Variants in RBFOX2 observed in about 807,000 individuals in gnomAD.
RBFOX2 encodes the protein RNA binding protein fox-1 homolog 2.
Under a neutral mutation model 49.1 loss-of-function variants are expected in RBFOX2, and 10 were observed. The observed-to-expected ratio is 0.20, with a 90% CI of 0.13 to 0.35. The LOEUF is 0.35. Ranked by LOEUF, RBFOX2 falls within the 10% of genes least tolerant of loss-of-function variation. The pLI, the probability that RBFOX2 is intolerant of heterozygous loss-of-function variation, is 1.00. For synonymous variants in RBFOX2, 183 were observed against 187.4 expected (o/e 0.98, Z 0.19); for missense variants, 323 against 486.9 (o/e 0.66, Z 3.17).
At chr22:35,882,627 A>G (rs1299190815) in intron 1 of RBFOX2, among the ~76,000 whole-genome samples, 1 of 152,218 alleles carries the variant, frequency 6.6e-6, no homozygotes, top group Admixed American at 6.5e-5. Flanking sequence ...TGCTGGATCC[A>G]TGTCCTAAAC....
intron 1 of RBFOX2, among the ~76,000 whole-genome samples, chr22:35,958,709 A>C (rs2149919632): frequency 6.6e-6 from 1 of 152,326 alleles, no homozygotes; most frequent in East Asian, 1.9e-4. Flanking sequence ...AATCTAAAAG[A>C]CTTCAAACAA....
chr22:35,934,874 C>T (rs1292783319), intron 1 of RBFOX2, among the ~76,000 whole-genome samples: 1 of 152,190 alleles, frequency 6.6e-6, no homozygotes, highest in Non-Finnish European at 1.5e-5. Flanking sequence ...AAATCACAAA[C>T]AGTCAACTAG....
chr22:35,965,102 G>A (rs1052079228), upstream of RBFOX2, among the ~76,000 whole-genome samples: 12 of 152,194 alleles, frequency 7.9e-5, 1 homozygote, highest in Non-Finnish European at 1.3e-4. Context: ...TAGGTATGGT[G>A]ACAGCACACA....
chr22:35,878,048 A>ACACG (rs2045387195), intron 1 of RBFOX2, among the ~76,000 whole-genome samples: 1 of 121,646 alleles, frequency 8.2e-6, no homozygotes, highest in East Asian at 2.0e-4. Flanking sequence ...CTACACACAC[A>ACACG]CACACACACA....
At chr22:35,829,495 G>A (rs1257924819) in intron 1 of RBFOX2, among the ~76,000 whole-genome samples, 1 of 151,788 alleles carries the variant, frequency 6.6e-6, no homozygotes, top group African/African-American at 2.4e-5. Context: ...TTGGATTAAT[G>A]GCAGACTAGA....
At chr22:35,974,181 A>G (rs2057026863) in intron 1 of RBFOX2, among the ~76,000 whole-genome samples, 1 of 152,230 alleles carries the variant, frequency 6.6e-6, no homozygotes. Context: ...CAGTAGAAGG[A>G]GCCAATCAAA....
chr22:35,761,605 G>A, intron 6 of RBFOX2, 137 bp from the exon 8 acceptor site: 2 of 837,760 alleles, frequency 2.4e-6, no homozygotes, highest in Non-Finnish European at 4.0e-6. Flanking sequence ...TCCAGCTTGG[G>A]GTTTATATGA....
intron 1 of RBFOX2, among the ~76,000 whole-genome samples, chr22:35,821,469 A>G (rs112244217): frequency 0.044 from 6,666 of 151,772 alleles, 505 homozygotes; most frequent in African/African-American, 0.15. Context: ...AGTGGAGGAC[A>G]CCTGCAATCC....
chr22:35,823,111 G>A (rs1439048128), intron 1 of RBFOX2, among the ~76,000 whole-genome samples: 3 of 152,164 alleles, frequency 2.0e-5, no homozygotes, highest in African/African-American at 7.2e-5. Context: ...ATGAGCCACC[G>A]CATCCGGCCT....
chr22:35,819,029 A>G (rs1293868361), intron 1 of RBFOX2, among the ~76,000 whole-genome samples: 2 of 152,216 alleles, frequency 1.3e-5, no homozygotes, highest in African/African-American at 2.4e-5. Flanking sequence ...CCATGGTTAC[A>G]TGGTGGCTTA....
chr22:35,751,323 G>A (rs535508168), intron 9 of RBFOX2, among the ~76,000 whole-genome samples: 1 of 152,244 alleles, frequency 6.6e-6, no homozygotes, highest in African/African-American at 2.4e-5. Flanking sequence ...CACTGAGGAG[G>A]AGAGTGTGTA....
At chr22:36,014,414 G>C (rs899499809) in intron 1 of RBFOX2, among the ~76,000 whole-genome samples, 1 of 152,114 alleles carries the variant, frequency 6.6e-6, no homozygotes, top group Non-Finnish European at 1.5e-5. Context: ...CCGGCCACCT[G>C]TTATCATTTC....
chr22:35,934,176 A>G (rs946244187), intron 1 of RBFOX2, among the ~76,000 whole-genome samples: 1 of 151,770 alleles, frequency 6.6e-6, no homozygotes, highest in African/African-American at 2.4e-5. Flanking sequence ...TAAAAAAAAA[A>G]ACAAATTAGA....
chr22:36,010,030 T>A (rs2058755839), intron 1 of RBFOX2, among the ~76,000 whole-genome samples: 1 of 152,094 alleles, frequency 6.6e-6, no homozygotes, highest in Non-Finnish European at 1.5e-5. Context: ...TACATCTTAG[T>A]GTGTGCTGCT....
intron 4 of RBFOX2, among the ~76,000 whole-genome samples, chr22:35,773,318 C>A (rs1019994763): frequency 6.6e-6 from 1 of 151,892 alleles, no homozygotes; most frequent in Non-Finnish European, 1.5e-5. Context: ...GTTTTATCTC[C>A]CCTAACTACA....
intron 1 of RBFOX2, among the ~76,000 whole-genome samples, chr22:35,826,046 CAA>C (rs71736820): frequency 3.8e-4 from 38 of 100,760 alleles, no homozygotes; most frequent in Non-Finnish European, 4.4e-4. Flanking sequence ...TTGCTTTTGG[CAA>C]AAAAAAAAAA....
intron 1 of RBFOX2, among the ~76,000 whole-genome samples, chr22:35,932,480 T>C (rs2052544563): frequency 6.6e-6 from 1 of 152,244 alleles, no homozygotes; most frequent in Non-Finnish European, 1.5e-5. Context: ...TCCTTTGATG[T>C]TCCCACTTGT....
intron 1 of RBFOX2, among the ~76,000 whole-genome samples, chr22:36,005,667 C>T (rs2058593278): frequency 6.6e-6 from 1 of 152,208 alleles, no homozygotes; most frequent in South Asian, 2.1e-4. Flanking sequence ...ATAGGCAGCA[C>T]ATGTGTTCCA....
chr22:35,829,009 C>A (rs543233271), intron 1 of RBFOX2, among the ~76,000 whole-genome samples: 37 of 152,278 alleles, frequency 2.4e-4, no homozygotes, highest in Admixed American at 2.1e-3. Context: ...CGAGATCGCG[C>A]CACTGCACTC....
Sources: allele counts gnomAD v4.1 joint callset (sites outside exome capture counted in the v4.1 genomes callset), GRCh38; gene constraint gnomAD v4.1.1; transcripts MANE v1.5; gene names NCBI Gene and HGNC (gene_info 2026-07-23, HGNC 2026-07-21).